The following CPXM2 variants were observed in gnomAD, a reference collection of about 807,000 sequenced individuals.
CPXM2 encodes inactive carboxypeptidase-like protein X2.
Under a neutral mutation model 86.1 loss-of-function variants are expected in CPXM2, and 66 were observed. The ratio of observed to expected loss-of-function variants is 0.77; its 90% CI spans 0.63 to 0.94. CPXM2 has a LOEUF of 0.94. Among genes scored for constraint, CPXM2 ranks in the 40% least tolerant of loss-of-function variants. The pLI, the probability that CPXM2 is intolerant of heterozygous loss-of-function variation, is 0.00. For synonymous variants in CPXM2, 388 were observed against 400.2 expected, an observed-to-expected ratio of 0.97 and a Z score of 0.36; for missense variants, 948 against 1,026.3, an observed-to-expected ratio of 0.92 and a Z score of 1.04.
chr10:123,821,226 T>C (rs918888317), intron 4 of CPXM2, among the ~76,000 whole-genome samples: 3 of 152,212 alleles, frequency 2.0e-5, no homozygotes, highest in Non-Finnish European at 4.4e-5. Flanking sequence ...CACCAGTCTG[T>C]CTCCCAAAGT....
rs1368212543 is a variant in CPXM2 at position 123,915,249 on chromosome 10, C to A, written n.174+24228G>T. The stretch of plus-strand genomic sequence containing the variant: ...GCATGGCAGGGAGATCTCCTCCTAT[C>A]TCTCCATCCAAAATAAGCCCCACGT... On this transcript the variant is annotated intron_variant and non_coding_transcript_variant, in intron 2 of 19. Coordinates refer to the CPXM2 transcript ENST00000368854. Among the ~76,000 whole-genome samples the A allele has an allele frequency of 3.9e-5, 6 of 152,336 alleles. No homozygotes were observed. The East Asian group carries it at 1.2e-3, about 29-fold the overall frequency.
At chr10:123,840,317 T>C (rs1848361458) in intron 4 of CPXM2, among the ~76,000 whole-genome samples, 1 of 152,200 alleles carries the variant, frequency 6.6e-6, no homozygotes, top group Admixed American at 6.5e-5. Context: ...AATCAGCATG[T>C]ACATACACAA....
upstream of CPXM2, among the ~76,000 whole-genome samples, chr10:123,896,494 C>T (rs1431656089): frequency 6.6e-6 from 1 of 152,128 alleles, no homozygotes; most frequent in Non-Finnish European, 1.5e-5. Context: ...TACATAATTA[C>T]CCATTTCATA....
intron 2 of CPXM2, among the ~76,000 whole-genome samples, chr10:123,869,308 A>G (rs1359623439): frequency 1.3e-5 from 2 of 152,202 alleles, no homozygotes; most frequent in Non-Finnish European, 2.9e-5. Flanking sequence ...TCTTGAGCCA[A>G]TTTGTTCCAA....
chr10:123,764,020 T>C lies in CPXM2; in HGVS notation c.1480-1851A>G, dbSNP rs981379906. 2.0e-5 allele frequency among the ~76,000 whole-genome samples: 3 copies of C among 152,258 alleles called. No individual in the cohort carries two copies. In the East Asian group the frequency reaches 5.8e-4, roughly 29 times the overall value. On this transcript the variant is annotated intron_variant, in intron 10 of 13. Transcript: ENST00000241305. The stretch of plus-strand genomic sequence containing the variant: ...CTTTTGCCAAACAATGGACATATAA[T>C]GTTCTCTCATCTGCGTTTCCTTAGT...
chr10:123,921,595 G>A (rs867960708), intron 2 of CPXM2, among the ~76,000 whole-genome samples: 1 of 152,204 alleles, frequency 6.6e-6, no homozygotes, highest in African/African-American at 2.4e-5. Flanking sequence ...TGAGAGGCAA[G>A]GAATAAAGAC....
intron 6 of CPXM2, among the ~76,000 whole-genome samples, chr10:123,789,690 C>T (rs574870308): frequency 1.4e-4 from 21 of 152,274 alleles, no homozygotes; most frequent in African/African-American, 2.4e-4. Flanking sequence ...GATGGAGCAA[C>T]GGTGAGAGCA....
chr10:123,822,091 C>G (rs1448563457), intron 4 of CPXM2, among the ~76,000 whole-genome samples: 1 of 152,166 alleles, frequency 6.6e-6, no homozygotes, highest in Non-Finnish European at 1.5e-5. Context: ...AAAAAGGTAA[C>G]AGCTTAAACA....
chr10:123,880,997 C>A (rs982147397), intron 1 of CPXM2, among the ~76,000 whole-genome samples: 1 of 151,736 alleles, frequency 6.6e-6, no homozygotes, highest in African/African-American at 2.4e-5. Flanking sequence ...CAACCTAACT[C>A]TCTCCCAGGC....
chr10:123,753,029 G>A (rs1426725307), intron 13 of CPXM2, among the ~76,000 whole-genome samples: 2 of 152,170 alleles, frequency 1.3e-5, no homozygotes, highest in African/African-American at 2.4e-5. Context: ...GACCAACAGT[G>A]CAGCGGGGAG....
Position 123,763,392 on chromosome 10 carries a change from T to A in CPXM2, c.1480-1223A>T, listed in dbSNP as rs188835498. ...CAGACCTCACTAACAATTTCTGTTG[T>A]GTGTGCCTACACCATCCTACCTATC... is the stretch of plus-strand genomic sequence containing the variant. On this transcript the variant is annotated intron_variant, in intron 10 of 13. Coordinates refer to ENST00000241305, the MANE Select transcript of CPXM2 (RefSeq NM_198148.3). Among the ~76,000 whole-genome samples the A allele has an allele frequency of 7.4e-4, 113 of 152,266 alleles. No individual in the cohort carries two copies. In the Middle Eastern group the frequency reaches 0.014, roughly 18 times the overall value.
intron 6 of CPXM2, among the ~76,000 whole-genome samples, chr10:123,780,539 G>T (rs1846909370): frequency 6.6e-6 from 1 of 152,110 alleles, no homozygotes; most frequent in African/African-American, 2.4e-5. Flanking sequence ...GTTTGACTTG[G>T]TTTTTTACCC....
intron 2 of CPXM2, among the ~76,000 whole-genome samples, chr10:123,873,166 AAT>A (rs1478637754): frequency 6.8e-6 from 1 of 146,896 alleles, no homozygotes; most frequent in African/African-American, 2.5e-5. Context: ...AATATCAAAT[AAT>A]ATGTGATTAA....
chr10:123,775,897 C>A (rs1278421335), intron 7 of CPXM2, among the ~76,000 whole-genome samples: 1 of 152,166 alleles, frequency 6.6e-6, no homozygotes, highest in African/African-American at 2.4e-5. Flanking sequence ...CATGAACATC[C>A]CCAGGAATGA....
At chr10:123,926,463 T>C in intron 2 of CPXM2, among the ~76,000 whole-genome samples, 1 of 152,242 alleles carries the variant, frequency 6.6e-6, no homozygotes, top group East Asian at 1.9e-4. Context: ...GCCTGACAAA[T>C]GCTTCTAATT....
At chr10:123,777,902 G>C (rs1182791086) in intron 7 of CPXM2, among the ~76,000 whole-genome samples, 3 of 152,202 alleles carry the variant, frequency 2.0e-5, no homozygotes, top group South Asian at 2.1e-4. Flanking sequence ...TCCCAAGTGA[G>C]GGAGACAGGC....
At chr10:123,851,822 C>T (rs1030781680) in intron 3 of CPXM2, among the ~76,000 whole-genome samples, 1 of 150,272 alleles carries the variant, frequency 6.7e-6, no homozygotes, top group Non-Finnish European at 1.5e-5. Context: ...AAGATGCAGT[C>T]AGCTTAGAGC....
chr10:123,934,921 G>T (rs1438739581), intron 2 of CPXM2, among the ~76,000 whole-genome samples: 3 of 152,192 alleles, frequency 2.0e-5, no homozygotes, highest in Non-Finnish European at 4.4e-5. Context: ...TCAGGCCACA[G>T]TGAGGTGAAC....
intron 6 of CPXM2, among the ~76,000 whole-genome samples, chr10:123,796,466 C>G (rs1847337744): frequency 6.6e-6 from 1 of 152,088 alleles, no homozygotes; most frequent in African/African-American, 2.4e-5. Flanking sequence ...AAAAAACTTG[C>G]ACAATCGAAT....
Sources: allele counts gnomAD v4.1 joint callset (sites outside exome capture counted in the v4.1 genomes callset), GRCh38; gene constraint gnomAD v4.1.1; transcripts MANE v1.5; gene names NCBI Gene and HGNC (gene_info 2026-07-23, HGNC 2026-07-21).